LARGE1: variants seen among roughly 807,000 people sequenced by gnomAD.
LARGE1 encodes the protein LARGE xylosyl- and glucuronyltransferase 1.
A neutral mutation model predicts 87.6 loss-of-function variants in LARGE1; 43 were observed. The ratio of observed to expected loss-of-function variants is 0.49; its 90% CI spans 0.38 to 0.63. LARGE1 has a LOEUF of 0.63. Ranked by LOEUF, LARGE1 falls within the 30% of genes least tolerant of loss-of-function variation. The pLI, the probability that LARGE1 is intolerant of heterozygous loss-of-function variation, is 0.00. For missense variants in LARGE1, 802 were observed against 1,000.2 expected, an observed-to-expected ratio of 0.80 and a Z score of 2.67; for synonymous variants, 434 against 394.6, an observed-to-expected ratio of 1.10 and a Z score of -1.18.
chr22:33,336,981 A>T (rs1352190763), intron 10 of LARGE1, among the ~76,000 whole-genome samples: 1 of 151,772 alleles, frequency 6.6e-6, no homozygotes, highest in African/African-American at 2.4e-5. Flanking sequence ...GAATCGCTTG[A>T]ACCCGGGAGG....
intron 1 of LARGE1, among the ~76,000 whole-genome samples, chr22:33,837,517 A>G (rs755772218): frequency 7.2e-5 from 11 of 152,352 alleles, no homozygotes; most frequent in Non-Finnish European, 1.5e-4. Flanking sequence ...ATTGTGAGAG[A>G]CAAACGTAAC....
intron 1 of LARGE1, among the ~76,000 whole-genome samples, chr22:33,799,001 A>AT (rs1449250894): frequency 3.9e-5 from 6 of 152,184 alleles, no homozygotes; most frequent in Non-Finnish European, 7.3e-5. Context: ...GACCCTGGCC[A>AT]TCTACAGTAT....
intron 6 of LARGE1, among the ~76,000 whole-genome samples, chr22:33,486,530 C>G (rs201255925): frequency 2.7e-5 from 4 of 150,166 alleles, no homozygotes; most frequent in Non-Finnish European, 5.9e-5. Context: ...GAGAGAGAGA[C>G]AGAGAGAGAG....
chr22:33,241,559 T>C (rs898777670), intron 11 of LARGE1, among the ~76,000 whole-genome samples: 1 of 151,740 alleles, frequency 6.6e-6, no homozygotes, highest in African/African-American at 2.4e-5. Flanking sequence ...TGTATATGTA[T>C]ATATGTGTAT....
At chr22:33,872,333 C>T (rs2064315631) in intron 1 of LARGE1, among the ~76,000 whole-genome samples, 1 of 150,374 alleles carries the variant, frequency 6.7e-6, no homozygotes, top group Non-Finnish European at 1.5e-5. Flanking sequence ...TTCCATGGCA[C>T]AGAGCAGACA....
intron 2 of LARGE1, among the ~76,000 whole-genome samples, chr22:33,710,369 C>T (rs544947484): frequency 2.0e-5 from 3 of 152,104 alleles, no homozygotes; most frequent in Non-Finnish European, 2.9e-5. Flanking sequence ...AAGAATTGGC[C>T]CCAGAAAATG....
intron 11 of LARGE1, among the ~76,000 whole-genome samples, chr22:33,216,385 T>G (rs1568977192): frequency 6.6e-6 from 1 of 151,936 alleles, no homozygotes; most frequent in Non-Finnish European, 1.5e-5. Context: ...TCCCAGCACT[T>G]AGGGAGGCCG....
intron 6 of LARGE1, among the ~76,000 whole-genome samples, chr22:33,505,792 A>G (rs1452276288): frequency 6.6e-6 from 1 of 152,078 alleles, no homozygotes; most frequent in Non-Finnish European, 1.5e-5. Context: ...CATTTCAGGA[A>G]TCATCTCTTG....
the LARGE1 span, among the ~76,000 whole-genome samples, chr22:33,148,285 C>T: frequency 6.6e-6 from 1 of 152,212 alleles, no homozygotes; most frequent in Admixed American, 6.5e-5. Context: ...GATGCCATCA[C>T]TATAGTTTTT....
chr22:33,512,735 G>A (rs2071114889), intron 6 of LARGE1, among the ~76,000 whole-genome samples: 1 of 152,148 alleles, frequency 6.6e-6, no homozygotes, highest in Non-Finnish European at 1.5e-5. Context: ...CCTGGAAGGC[G>A]GAAGTTGCAG....
intron 1 of LARGE1, among the ~76,000 whole-genome samples, chr22:33,771,154 T>C (rs1352893842): frequency 6.6e-6 from 1 of 151,258 alleles, no homozygotes. Context: ...TCATACTCTC[T>C]ATCCAGGTCT....
chr22:33,592,252 T>C (rs184939934), intron 5 of LARGE1, among the ~76,000 whole-genome samples: 6 of 152,286 alleles, frequency 3.9e-5, no homozygotes, highest in Admixed American at 3.3e-4. Context: ...GTATGTGGAA[T>C]GAAGTGAGGA....
chr22:33,401,416 G>A (rs1188133181), intron 7 of LARGE1, among the ~76,000 whole-genome samples: 2 of 152,108 alleles, frequency 1.3e-5, no homozygotes, highest in South Asian at 2.1e-4. Context: ...AGACATCCTC[G>A]TGTGCTGTGA....
intron 5 of LARGE1, among the ~76,000 whole-genome samples, chr22:33,593,560 A>G (rs1054635410): frequency 1.3e-5 from 2 of 152,150 alleles, no homozygotes; most frequent in Non-Finnish European, 2.9e-5. Context: ...CTGCCCTGGT[A>G]TTACCACGTA....
At chr22:33,871,017 A>C (rs1457732510) in intron 1 of LARGE1, among the ~76,000 whole-genome samples, 2 of 152,258 alleles carry the variant, frequency 1.3e-5, no homozygotes, top group Non-Finnish European at 2.9e-5. Context: ...TGTCTGATCT[A>C]GAATTGAACT....
In LARGE1 at chr22:33,619,149, G is replaced by A. The variant is rs750234527; in HGVS notation, c.491+7095C>T. Among the ~76,000 whole-genome samples the A allele has an allele frequency of 7.9e-5, 12 of 152,214 alleles. No homozygotes were observed. The South Asian group carries it at 8.3e-4, about 11-fold the overall frequency. ...CGTGTGCCTAATTCTTCCTGGTCAC[G>A]AGACAAGAACCCAGACCTAGCTGAG... On this transcript the variant is annotated intron_variant, in intron 4 of 14. Coordinates refer to ENST00000397394, the MANE Select transcript of LARGE1 (RefSeq NM_133642.5).
In LARGE1 at chr22:33,351,984, G is replaced by A. The variant is rs149688955; in HGVS notation, c.1132-14183C>T. ...GATCTCTTGCGCTCATAATCCACCC[G>A]CCTCAGCCTCCCAAAGTGCTGGGAT... On this transcript the variant is annotated intron_variant, in intron 9 of 14. Coordinates refer to ENST00000397394, the MANE Select transcript of LARGE1 (RefSeq NM_133642.5). 9.9e-3 allele frequency among the ~76,000 whole-genome samples: 1,508 copies of A among 152,188 alleles called. 11 individuals carry two copies. Among genetic ancestry groups the A allele is most frequent in the South Asian group, 0.015 (74 of 4,822 alleles).
At chr22:33,270,394 G>C (rs1568997981), downstream of LARGE1, among the ~76,000 whole-genome samples, 2 of 152,164 alleles carry the variant, frequency 1.3e-5, no homozygotes. Context: ...TTTCAGTATT[G>C]TATGGGAAGG....
At chr22:33,763,287 A>T (rs2084794259) in intron 1 of LARGE1, among the ~76,000 whole-genome samples, 1 of 152,224 alleles carries the variant, frequency 6.6e-6, no homozygotes, top group Non-Finnish European at 1.5e-5. Context: ...AATGGAGCCG[A>T]TCACAACTGT....
Sources: allele counts gnomAD v4.1 joint callset (sites outside exome capture counted in the v4.1 genomes callset), GRCh38; gene constraint gnomAD v4.1.1; transcripts MANE v1.5; gene names NCBI Gene and HGNC (gene_info 2026-07-23, HGNC 2026-07-21).